The following FRMPD4 variants were observed in gnomAD, a reference collection of about 807,000 sequenced individuals.
FRMPD4 encodes the protein FERM and PDZ domain-containing protein 4.
In FRMPD4, 22 loss-of-function variants were observed where a neutral mutation model predicts 94.1. The ratio of observed to expected loss-of-function variants is 0.23; its 90% CI spans 0.17 to 0.33. FRMPD4 has a LOEUF of 0.33. Ranked by LOEUF, FRMPD4 falls within the 10% of genes least tolerant of loss-of-function variation. The probability of loss-of-function intolerance (pLI) is 1.00; values close to 1 mark genes in which losing one functional copy is unlikely to be tolerated. For missense variants in FRMPD4, 1,111 were observed against 1,339.9 expected, an observed-to-expected ratio of 0.83 and a Z score of 2.67; for synonymous variants, 631 against 548.6, an observed-to-expected ratio of 1.15 and a Z score of -2.10.
chrX:11,884,398 T>C (rs938239161), intron 3 of FRMPD4, among the ~76,000 whole-genome samples: 6 of 112,114 alleles, frequency 5.4e-5, no homozygotes, highest in African/African-American at 1.6e-4. Context: ...ATCAGTGTTA[T>C]GTTGCTTGTT....
At chrX:11,987,390 T>A (rs761590831) in intron 3 of FRMPD4, among the ~76,000 whole-genome samples, 1 of 110,759 alleles carries the variant, frequency 9.0e-6, no homozygotes, top group Non-Finnish European at 1.9e-5. Flanking sequence ...ATAAAAGCCC[T>A]CAAAAAACTG....
chrX:11,852,652 A>G (rs947935921), intron 1 of FRMPD4, among the ~76,000 whole-genome samples: 4 of 110,709 alleles, frequency 3.6e-5, no homozygotes, highest in Non-Finnish European at 7.6e-5. Context: ...AGATCCAAAA[A>G]GACAAAAAAG....
chrX:12,665,119 A>C (rs1569397361), intron 4 of FRMPD4, among the ~76,000 whole-genome samples: 1 of 110,061 alleles, frequency 9.1e-6, no homozygotes, highest in Non-Finnish European at 1.9e-5. Flanking sequence ...TCTGGCCAGC[A>C]GTCTGTCTAT....
intron 1 of FRMPD4, among the ~76,000 whole-genome samples, chrX:12,159,588 T>G (rs2147615320): frequency 8.9e-6 from 1 of 112,347 alleles, no homozygotes; most frequent in South Asian, 3.7e-4. Flanking sequence ...CTATATTCTT[T>G]TATAGAAGTC....
chrX:11,960,164 C>T (rs758191514), intron 3 of FRMPD4, among the ~76,000 whole-genome samples: 2 of 112,169 alleles, frequency 1.8e-5, no homozygotes, highest in Non-Finnish European at 1.9e-5. Context: ...ATTGTCAATA[C>T]GAAACTACTT....
chrX:12,063,558 T>C (rs1425324146), intron 3 of FRMPD4, among the ~76,000 whole-genome samples: 3 of 112,647 alleles, frequency 2.7e-5, no homozygotes, highest in African/African-American at 9.7e-5. Flanking sequence ...GATTGCATTG[T>C]TATTTAACAT....
chrX:12,269,088 T>G (rs1272243414), intron 1 of FRMPD4, among the ~76,000 whole-genome samples: 1 of 112,348 alleles, frequency 8.9e-6, no homozygotes, highest in Non-Finnish European at 1.9e-5. Context: ...CTGTTGCCAT[T>G]TCCATATTTT....
chrX:12,081,041 A>G (rs1017326015), intron 3 of FRMPD4, among the ~76,000 whole-genome samples: 1 of 111,942 alleles, frequency 8.9e-6, no homozygotes, highest in African/African-American at 3.2e-5. Context: ...TGCTTTTGCA[A>G]ATTGGTTCTT....
chrX:12,309,835 T>C (rs560452455), intron 1 of FRMPD4, among the ~76,000 whole-genome samples: 174 of 112,826 alleles, frequency 1.5e-3, no homozygotes, highest in South Asian at 5.5e-3. Flanking sequence ...TGTCCTGGTG[T>C]TGCAGATTTG....
chrX:11,906,115 TTTTATTTATTTATTTA>T (rs59185589), intron 3 of FRMPD4, among the ~76,000 whole-genome samples: 25 of 88,247 alleles, frequency 2.8e-4, no homozygotes, highest in Admixed American at 6.7e-4. Flanking sequence ...TTTCCCTTCA[TTTTATTTATTTATTTA>T]TTTATTTATT....
chrX:12,695,426 C>T (rs147159351), intron 9 of FRMPD4, among the ~76,000 whole-genome samples: 6,278 of 110,723 alleles, frequency 0.057, 158 homozygotes, highest in Middle Eastern at 0.092. Flanking sequence ...TATTTTGAGA[C>T]GGAATCTTGC....
At chrX:12,462,609 G>C (rs1344680292) in intron 1 of FRMPD4, among the ~76,000 whole-genome samples, 2 of 111,614 alleles carry the variant, frequency 1.8e-5, no homozygotes, top group Non-Finnish European at 3.8e-5. Flanking sequence ...ACTAGACAAA[G>C]GTATGCTTTT....
rs770307706 is a variant in FRMPD4, at chrX:12,235,822, A to G, written c.41+96810A>G. ...AAATGCCAATTTTATCACTGCTGCT[A>G]ATTCACTTGGACAAGTTACTTTCCT... On this transcript the variant is annotated intron_variant, in intron 1 of 16. Transcript: ENST00000675598. Among the ~76,000 whole-genome samples the G allele has an allele frequency of 5.3e-5, 6 of 112,171 alleles. No individual in the cohort carries two copies. The South Asian group carries it at 1.5e-3, about 28-fold the overall frequency.
At chrX:12,625,127 G>A (rs1001498605) in intron 4 of FRMPD4, among the ~76,000 whole-genome samples, 7 of 111,575 alleles carry the variant, frequency 6.3e-5, no homozygotes, top group South Asian at 3.8e-4. Flanking sequence ...TAAAAGACAG[G>A]CAATAACAAA....
chrX:12,278,427 T>A (rs1013392256), intron 1 of FRMPD4, among the ~76,000 whole-genome samples: 4 of 112,230 alleles, frequency 3.6e-5, no homozygotes, highest in Non-Finnish European at 7.5e-5. Flanking sequence ...AGATTCCACC[T>A]ATCACTCATT....
intron 1 of FRMPD4, among the ~76,000 whole-genome samples, chrX:12,352,922 T>A (rs1018443457): frequency 8.9e-6 from 1 of 112,332 alleles, no homozygotes; most frequent in African/African-American, 3.2e-5. Context: ...GGAGCCTGGG[T>A]ATTCCTTTTG....
At chrX:12,128,340 C>T (rs1338733098) in intron 3 of FRMPD4, among the ~76,000 whole-genome samples, 4 of 110,527 alleles carry the variant, frequency 3.6e-5, no homozygotes, top group Non-Finnish European at 7.5e-5. Context: ...AGGCTTGGGG[C>T]TTGCACCCTC....
intron 2 of FRMPD4, among the ~76,000 whole-genome samples, chrX:12,599,922 A>AGAC (rs386416635): frequency 1.7e-4 from 19 of 111,323 alleles, no homozygotes; most frequent in African/African-American, 4.9e-4. Context: ...ATATATGTTA[A>AGAC]GAGGTGTTGA....
At chrX:12,438,595 G>A (rs1013509806) in intron 1 of FRMPD4, among the ~76,000 whole-genome samples, 2 of 111,122 alleles carry the variant, frequency 1.8e-5, no homozygotes, top group South Asian at 3.8e-4. Flanking sequence ...TGTCTCCCAA[G>A]CAAGAGAACT....
Sources: allele counts gnomAD v4.1 joint callset (sites outside exome capture counted in the v4.1 genomes callset), GRCh38; gene constraint gnomAD v4.1.1; transcripts MANE v1.5; gene names NCBI Gene and HGNC (gene_info 2026-07-23, HGNC 2026-07-21).